The following SPMIP2 variants were observed in gnomAD, a reference collection of about 807,000 sequenced individuals.
The protein encoded by SPMIP2 is sperm microtubule inner protein 2, also known as protein SPMIP2.
the SPMIP2 span, among the ~76,000 whole-genome samples, chr4:159,006,844 G>T: frequency 6.6e-6 from 1 of 152,186 alleles, no homozygotes; most frequent in South Asian, 2.1e-4. Context: ...AGTCAAAGTG[G>T]CAAGCATTGA....
At chr4:159,018,910 G>A in the SPMIP2 span, among the ~76,000 whole-genome samples, 2 of 152,114 alleles carry the variant, frequency 1.3e-5, no homozygotes, top group African/African-American at 4.8e-5. Flanking sequence ...CTAATATGGT[G>A]AAACCCCATC....
chr4:159,051,110 G>GAAA, the SPMIP2 span, among the ~76,000 whole-genome samples: 1 of 111,152 alleles, frequency 9.0e-6, no homozygotes. Context: ...CTCCGTCTCA[G>GAAA]AAAAAAAAAA....
At chr4:159,026,248 A>G in the SPMIP2 span, 3 of 530,802 alleles carry the variant, frequency 5.7e-6, no homozygotes, top group South Asian at 5.2e-5. Context: ...GCCAGAGTGT[A>G]TCATCATTTG....
At chr4:158,979,311 G>A in the SPMIP2 span, among the ~76,000 whole-genome samples, 1 of 152,182 alleles carries the variant, frequency 6.6e-6, no homozygotes, top group East Asian at 1.9e-4. Context: ...GGGATCCGAT[G>A]AGCCAGACCA....
At chr4:158,920,365 G>A in the SPMIP2 span, among the ~76,000 whole-genome samples, 3 of 152,194 alleles carry the variant, frequency 2.0e-5, no homozygotes, top group East Asian at 1.9e-4. Flanking sequence ...TGCGGGGTTG[G>A]GCAAAAAGAG....
chr4:158,973,618 T>G, the SPMIP2 span, among the ~76,000 whole-genome samples: 48,934 of 151,946 alleles, frequency 0.32, 8,001 homozygotes, highest in South Asian at 0.36. Context: ...GCTAACAAGC[T>G]CTTTGTACCC....
At chr4:159,022,558 T>C in the SPMIP2 span, among the ~76,000 whole-genome samples, 2 of 152,278 alleles carry the variant, frequency 1.3e-5, no homozygotes, top group African/African-American at 4.8e-5. Context: ...TCTCCTGGTG[T>C]GCTTCTTTAA....
the SPMIP2 span, among the ~76,000 whole-genome samples, chr4:158,924,577 T>C: frequency 6.6e-6 from 1 of 152,074 alleles, no homozygotes; most frequent in Non-Finnish European, 1.5e-5. Flanking sequence ...AGACATGGTT[T>C]CACCATGTTG....
the SPMIP2 span, among the ~76,000 whole-genome samples, chr4:158,960,784 C>G: frequency 6.6e-6 from 1 of 152,088 alleles, no homozygotes; most frequent in African/African-American, 2.4e-5. Context: ...TATAGACAGA[C>G]TGTGGTAAAG....
chr4:158,997,945 C>T, the SPMIP2 span, among the ~76,000 whole-genome samples: 1 of 152,208 alleles, frequency 6.6e-6, no homozygotes, highest in Non-Finnish European at 1.5e-5. Flanking sequence ...ACATGAGCCA[C>T]TGTGCCTGGC....
chr4:158,971,135 T>C, the SPMIP2 span, among the ~76,000 whole-genome samples: 232 of 152,032 alleles, frequency 1.5e-3, 1 homozygote, highest in African/African-American at 4.9e-3. Context: ...AGCAGAAAAA[T>C]AGGTTAAGTT....
chr4:158,985,050 C>T, the SPMIP2 span, among the ~76,000 whole-genome samples: 1 of 150,246 alleles, frequency 6.7e-6, no homozygotes, highest in Non-Finnish European at 1.5e-5. Context: ...GGATAAATTC[C>T]TCGACACATA....
the SPMIP2 span, among the ~76,000 whole-genome samples, chr4:159,058,112 A>G: frequency 6.6e-5 from 10 of 150,954 alleles, no homozygotes; most frequent in East Asian, 1.9e-3. Flanking sequence ...CACCGTGTAG[A>G]TCTCCTAAAA....
chr4:158,935,918 G>A, the SPMIP2 span, among the ~76,000 whole-genome samples: 2 of 152,190 alleles, frequency 1.3e-5, no homozygotes, highest in African/African-American at 4.8e-5. Context: ...TGGGTCTTTG[G>A]TCTTCCACCT....
chr4:158,904,337 C>T, the SPMIP2 span: 1 of 796,472 alleles, frequency 1.3e-6, no homozygotes, highest in Non-Finnish European at 2.0e-6. Flanking sequence ...TTTGCTTTTT[C>T]ATTAGTTTTA....
the SPMIP2 span, among the ~76,000 whole-genome samples, chr4:158,946,838 C>T: frequency 1.3e-5 from 2 of 152,154 alleles, no homozygotes; most frequent in South Asian, 2.1e-4. Flanking sequence ...GTAAAGAAAG[C>T]AGGAACTGTG....
the SPMIP2 span, among the ~76,000 whole-genome samples, chr4:158,997,520 G>A: frequency 6.6e-6 from 1 of 152,180 alleles, no homozygotes; most frequent in African/African-American, 2.4e-5. Context: ...ACCGGACCCA[G>A]CCAAGGATAT....
At chr4:159,049,672 C>T in the SPMIP2 span, among the ~76,000 whole-genome samples, 1 of 152,136 alleles carries the variant, frequency 6.6e-6, no homozygotes, top group Non-Finnish European at 1.5e-5. Flanking sequence ...GATTTTCCAT[C>T]AACTTTTCTT....
the SPMIP2 span, among the ~76,000 whole-genome samples, chr4:159,079,629 A>G: frequency 3.3e-5 from 5 of 152,248 alleles, no homozygotes; most frequent in African/African-American, 1.2e-4. Context: ...GGTTTTACCA[A>G]GCCAGAGATC....
Sources: allele counts gnomAD v4.1 joint callset (sites outside exome capture counted in the v4.1 genomes callset), GRCh38; gene constraint gnomAD v4.1.1; transcripts MANE v1.5; gene names NCBI Gene and HGNC (gene_info 2026-07-23, HGNC 2026-07-21).